Variants in MIR2052HG observed in about 807,000 individuals in gnomAD.
The protein encoded by MIR2052HG is MIR2052 host gene.
chr8:74,722,475 A>G lies in MIR2052HG; in HGVS notation n.371+18793A>G, dbSNP rs142704362. On this transcript the variant is annotated intron_variant and non_coding_transcript_variant, in intron 4 of 6. Transcript: ENST00000523442. The stretch of plus-strand genomic sequence containing the variant: ...GTAGAAATCATTCTTGGCAGAATAT[A>G]TCACTGACTATTGTTTTTTAAACCT... Among the ~76,000 whole-genome samples, 528 of 152,298 alleles carry G rather than the reference A, an allele frequency of 3.5e-3. 3 individuals carry two copies. Among genetic ancestry groups the G allele is most frequent in the African/African-American group, 0.012 (487 of 41,572 alleles).
At chr8:74,668,066 C>T (rs755261772) in intron 2 of MIR2052HG, among the ~76,000 whole-genome samples, 8 of 150,396 alleles carry the variant, frequency 5.3e-5, no homozygotes, top group Middle Eastern at 3.5e-3. Context: ...CTGCAGGAGT[C>T]GCTGCATGAC....
chr8:74,622,085 C>A (rs1808369808), intron 2 of MIR2052HG, among the ~76,000 whole-genome samples: 1 of 151,926 alleles, frequency 6.6e-6, no homozygotes, highest in Admixed American at 6.6e-5. Flanking sequence ...ACCTGCACCG[C>A]AAAGAAAGCA....
At chr8:74,695,451 G>A (rs1439003605) in intron 2 of MIR2052HG, among the ~76,000 whole-genome samples, 7 of 151,964 alleles carry the variant, frequency 4.6e-5, no homozygotes, top group African/African-American at 1.4e-4. Flanking sequence ...AGAATAGTAC[G>A]TCACATCTCA....
Position 74,674,107 on chromosome 8 carries a change from A to G in MIR2052HG, n.217-28272A>G, listed in dbSNP as rs1199763029. ...AACATAATGGAAGTTACAATGATAC[A>G]TGGTGTAGACCGGTTATACCAGAGG... On this transcript the variant is annotated intron_variant and non_coding_transcript_variant, in intron 2 of 6. Transcript: ENST00000523442. Among the ~76,000 whole-genome samples, 4 of 150,240 alleles carry G rather than the reference A, an allele frequency of 2.7e-5. No individual in the cohort carries two copies. The East Asian group carries it at 7.8e-4, about 29-fold the overall frequency.
chr8:74,617,108 A>G (rs112120483), intron 2 of MIR2052HG, among the ~76,000 whole-genome samples: 6,304 of 152,186 alleles, frequency 0.041, 215 homozygotes, highest in Non-Finnish European at 0.05. Context: ...TTAATTTTTA[A>G]TATATAGGAG....
intron 2 of MIR2052HG, among the ~76,000 whole-genome samples, chr8:74,683,482 A>G (rs1809146832): frequency 1.3e-5 from 2 of 152,136 alleles, no homozygotes; most frequent in Non-Finnish European, 2.9e-5. Flanking sequence ...CAGGAGAATT[A>G]CACTGCATAT....
intron 4 of MIR2052HG, among the ~76,000 whole-genome samples, chr8:74,710,674 T>A (rs1327911442): frequency 2.0e-5 from 3 of 152,176 alleles, no homozygotes; most frequent in Non-Finnish European, 4.4e-5. Context: ...TTTTACATAG[T>A]GGAGACTATC....
chr8:74,739,630 C>T (rs1563543900), intron 4 of MIR2052HG, among the ~76,000 whole-genome samples: 1 of 152,028 alleles, frequency 6.6e-6, no homozygotes, highest in Non-Finnish European at 1.5e-5. Context: ...AAATTAATAT[C>T]AAACACATTT....
In MIR2052HG at chr8:74,642,426, A is replaced by T. The variant is rs187084994; in HGVS notation, n.216+29486A>T. Among the ~76,000 whole-genome samples, 53 of 152,176 alleles carry T rather than the reference A, an allele frequency of 3.5e-4. No homozygotes were observed. The East Asian group carries it at 9.9e-3, about 28-fold the overall frequency. ...TATTTGTTGAGTACTGAGTGCCAGG[A>T]ATTGTTGTAGATGCTAAAGAAGAAA... is the stretch of plus-strand genomic sequence containing the variant. On this transcript the variant is annotated intron_variant and non_coding_transcript_variant, in intron 2 of 6. Coordinates refer to ENST00000523442, the Ensembl canonical transcript of MIR2052HG.
chr8:74,673,736 G>C (rs1394817918), intron 2 of MIR2052HG, among the ~76,000 whole-genome samples: 1 of 151,654 alleles, frequency 6.6e-6, no homozygotes, highest in African/African-American at 2.4e-5. Context: ...CTTAGAACAA[G>C]TTTGAAAAAC....
At chr8:74,711,634 C>T (rs1354189873) in intron 4 of MIR2052HG, among the ~76,000 whole-genome samples, 4 of 152,150 alleles carry the variant, frequency 2.6e-5, no homozygotes, top group Non-Finnish European at 4.4e-5. Context: ...GCCTTCCTCC[C>T]AAATGTAGTA....
chr8:74,704,686 C>T (rs1809391953), intron 4 of MIR2052HG, among the ~76,000 whole-genome samples: 1 of 152,068 alleles, frequency 6.6e-6, no homozygotes, highest in Non-Finnish European at 1.5e-5. Flanking sequence ...AGTAATCTCT[C>T]TCCTACACTT....
intron 2 of MIR2052HG, among the ~76,000 whole-genome samples, chr8:74,620,515 A>C (rs1429960149): frequency 6.6e-6 from 1 of 152,228 alleles, no homozygotes; most frequent in Non-Finnish European, 1.5e-5. Context: ...GGAAGTTCCC[A>C]AACCTCAATT....
At chr8:74,649,507 G>T (rs552932153) in intron 2 of MIR2052HG, among the ~76,000 whole-genome samples, 13 of 151,966 alleles carry the variant, frequency 8.6e-5, no homozygotes, top group Non-Finnish European at 1.2e-4. Flanking sequence ...ATGTGAATAT[G>T]AATATATTTA....
At chr8:74,719,819 A>T (rs1272409130) in intron 4 of MIR2052HG, among the ~76,000 whole-genome samples, 1 of 148,622 alleles carries the variant, frequency 6.7e-6, no homozygotes, top group African/African-American at 2.5e-5. Flanking sequence ...TTGCTTCTTC[A>T]GTGCTCCTTC....
chr8:74,632,966 C>A (rs1808535466), intron 2 of MIR2052HG, among the ~76,000 whole-genome samples: 1 of 152,120 alleles, frequency 6.6e-6, no homozygotes, highest in African/African-American at 2.4e-5. Context: ...CAGGACTCAA[C>A]TTTGATAATT....
At chr8:74,719,677 AT>A (rs1410379951) in intron 4 of MIR2052HG, among the ~76,000 whole-genome samples, 2 of 152,094 alleles carry the variant, frequency 1.3e-5, no homozygotes, top group Non-Finnish European at 2.9e-5. Flanking sequence ...GGAAAAAAAA[AT>A]AGACTTGTGT....
At chr8:74,664,653 G>T (rs1420419787) in intron 2 of MIR2052HG, among the ~76,000 whole-genome samples, 2 of 152,026 alleles carry the variant, frequency 1.3e-5, no homozygotes, top group Non-Finnish European at 2.9e-5. Context: ...GAGTAGCTGG[G>T]ATTACAGGTG....
At chr8:74,706,943 C>G (rs1373655928) in intron 4 of MIR2052HG, among the ~76,000 whole-genome samples, 2 of 151,940 alleles carry the variant, frequency 1.3e-5, no homozygotes, top group Non-Finnish European at 2.9e-5. Context: ...CATTTTAGGT[C>G]AAATGCACTT....
Sources: allele counts gnomAD v4.1 joint callset (sites outside exome capture counted in the v4.1 genomes callset), GRCh38; gene constraint gnomAD v4.1.1; transcripts MANE v1.5; gene names NCBI Gene and HGNC (gene_info 2026-07-23, HGNC 2026-07-21).